The following OSBPL3 variants were observed in gnomAD, a reference collection of about 807,000 sequenced individuals.
OSBPL3 encodes oxysterol-binding protein-related protein 3.
In OSBPL3, 65 loss-of-function variants were observed where a neutral mutation model predicts 120.1. The ratio of observed to expected loss-of-function variants is 0.54; its 90% CI spans 0.44 to 0.67. The LOEUF (loss-of-function observed/expected upper bound fraction) is 0.67, where lower values mean the gene tolerates loss of function less well. Among genes scored for constraint, OSBPL3 ranks in the 30% least tolerant of loss-of-function variants. OSBPL3 has a pLI of 0.00. For synonymous variants in OSBPL3, 416 were observed against 402.6 expected (o/e 1.03, Z -0.40); for missense variants, 1,004 against 1,082.1 (o/e 0.93, Z 1.01).
intron 1 of OSBPL3, 110 bp downstream of exon 1, chr7:24,979,776 G>A (rs1411347458): frequency 1.5e-5 from 9 of 583,806 alleles, no homozygotes; most frequent in African/African-American, 4.1e-5. Flanking sequence ...GACAGACCCC[G>A]GTCCGGCAGA....
rs77456222 is a variant in OSBPL3 at position 24,882,760 on chromosome 7, T to G, written c.96+9617A>C. Among the ~76,000 whole-genome samples, 65 of 152,322 alleles carry G rather than the reference T, an allele frequency of 4.3e-4. No individual in the cohort carries two copies. The East Asian group carries it at 0.011, about 26-fold the overall frequency. ...CAACATGTTGTTGTCTTTGTATTAA[T>G]AGTCATTTGACTTATATAAGATGAT... On this transcript the variant is annotated intron_variant, in intron 2 of 22. Transcript: ENST00000313367.
chr7:24,807,929 C>T lies in OSBPL3; in HGVS notation c.2318-1027G>A, dbSNP rs148294412. Among the ~76,000 whole-genome samples, 518 of 152,166 alleles carry T rather than the reference C, an allele frequency of 3.4e-3. 2 individuals carry two copies. The highest frequency in any genetic ancestry group is 5.6e-3 in the Non-Finnish European group (383 of 68,016). ...CTTTTTTTTTATTGAAAGGGTCTCA[C>T]TCTGTCCACCCAGGCTGGAGGACAG... On this transcript the variant is annotated intron_variant, in intron 20 of 22. Coordinates refer to ENST00000313367, the MANE Select transcript of OSBPL3 (RefSeq NM_015550.4).
intron 10 of OSBPL3, among the ~76,000 whole-genome samples, chr7:24,857,979 G>C (rs911231955): frequency 1.3e-5 from 2 of 152,132 alleles, no homozygotes; most frequent in Non-Finnish European, 2.9e-5. Context: ...AAATGTAAAA[G>C]CTAATATATG....
At chr7:24,853,776 T>C (rs1799472950) in intron 10 of OSBPL3, among the ~76,000 whole-genome samples, 1 of 152,212 alleles carries the variant, frequency 6.6e-6, no homozygotes, top group South Asian at 2.1e-4. Context: ...TAGAGAGTGA[T>C]AAAATAAATG....
chr7:24,920,616 C>A (rs1810273052), intron 1 of OSBPL3, among the ~76,000 whole-genome samples: 1 of 152,052 alleles, frequency 6.6e-6, no homozygotes, highest in Non-Finnish European at 1.5e-5. Context: ...AGAGTAAATT[C>A]TGTAGTATGT....
rs1417726122 is a variant in OSBPL3 at position 24,802,467 on chromosome 7, C to A, written c.2567+1848G>T. ...TCAAAAAGAAAAAGAGCAATGGCCGCCCCAGCTGAAGCAGCTTTCCGTCCT... is the reference window on the plus strand; with the variant it reads ...TCAAAAAGAAAAAGAGCAATGGCCGACCCAGCTGAAGCAGCTTTCCGTCCT... On this transcript the variant is annotated intron_variant, in intron 22 of 22. Transcript: ENST00000313367. This position sits in a 1 kb window ranked among gnomAD's most constrained non-coding sequence, Gnocchi z 4.1. Among the ~76,000 whole-genome samples the A allele has an allele frequency of 6.6e-6, 1 of 152,236 alleles. No homozygotes were observed. Among genetic ancestry groups the A allele is most frequent in the Non-Finnish European group, 1.5e-5 (1 of 68,042 alleles).
chr7:24,886,289 C>T (rs543501418), intron 2 of OSBPL3, among the ~76,000 whole-genome samples: 4 of 152,292 alleles, frequency 2.6e-5, no homozygotes, highest in South Asian at 4.1e-4. Flanking sequence ...AAAGCAAAAC[C>T]GGTGAGAACA....
chr7:24,913,598 T>C lies in OSBPL3; in HGVS notation c.-149-20977A>G, dbSNP rs1198505478. Among the ~76,000 whole-genome samples the C allele has an allele frequency of 6.6e-6, 1 of 152,064 alleles. No homozygotes were observed. Among genetic ancestry groups the C allele is most frequent in the African/African-American group, 2.4e-5 (1 of 41,400 alleles). On this transcript the variant is annotated intron_variant, in intron 1 of 22. Coordinates refer to ENST00000313367, the MANE Select transcript of OSBPL3 (RefSeq NM_015550.4). This position sits in a 1 kb window ranked among gnomAD's most constrained non-coding sequence, Gnocchi z 5.3. ...ACACATCACAAAGTGACACTGGGAATCTAGGACTGGGCACAAAGATGAAAA... is the reference window on the plus strand; with the variant it reads ...ACACATCACAAAGTGACACTGGGAACCTAGGACTGGGCACAAAGATGAAAA...
In OSBPL3 at chr7:24,979,912, C is replaced by G; in HGVS notation, c.-176G>C. 3 of 969,926 alleles carry G rather than the reference C, an allele frequency of 3.1e-6. No individual in the cohort carries two copies. The highest frequency in any genetic ancestry group is 3.6e-6 in the Non-Finnish European group (3 of 822,190). The allele number at this position is 969,926 out of a possible 1,614,324, so 60.1% of individuals were successfully genotyped here. ...TGAGCGCTGTGCAGCCGGAGACGCTCCCTAGTTCCCCGGGGCCGGGCTCCG... is the reference window on the plus strand; with the variant it reads ...TGAGCGCTGTGCAGCCGGAGACGCTGCCTAGTTCCCCGGGGCCGGGCTCCG... On this transcript the variant is annotated 5_prime_UTR_variant, in exon 1 of 23. Transcript: ENST00000313367.
At chr7:24,837,602 T>C (rs1024893569) in intron 14 of OSBPL3, among the ~76,000 whole-genome samples, 14 of 152,232 alleles carry the variant, frequency 9.2e-5, no homozygotes, top group African/African-American at 3.1e-4. Flanking sequence ...ACCGCCATCA[T>C]CACCACCAAT....
Position 24,930,946 on chromosome 7 carries a change from A to T in OSBPL3, c.-149-38325T>A, listed in dbSNP as rs1045368374. ...GAAGATGACTTTTTTAATTCCAAAA[A>T]TTATTTAACATTCTCACAGGAAGTA... is the stretch of plus-strand genomic sequence containing the variant. On this transcript the variant is annotated intron_variant, in intron 1 of 22. Transcript: ENST00000313367. The surrounding 1 kb of genome is among the most constrained non-coding windows in gnomAD (Gnocchi z 4.4). 9.2e-5 allele frequency among the ~76,000 whole-genome samples: 14 copies of T among 152,208 alleles called. No homozygotes were observed. Among genetic ancestry groups the T allele is most frequent in the Admixed American group, 7.2e-4 (11 of 15,280 alleles).
In OSBPL3 at chr7:24,830,591, G is replaced by A. The variant is rs1796243978; in HGVS notation, c.1884+177C>T. ...TACGGGTGGTAACTTTATGCCCCTG[G>A]GTGGTGGCTTGGCTTCAGTGGAAGG... On this transcript the variant is annotated intron_variant, in intron 16 of 22. Coordinates refer to ENST00000313367, the MANE Select transcript of OSBPL3 (RefSeq NM_015550.4). This position sits in a 1 kb window ranked among gnomAD's most constrained non-coding sequence, Gnocchi z 4.4. Among the ~76,000 whole-genome samples, 1 of 152,118 alleles carries A rather than the reference G, an allele frequency of 6.6e-6. No individual in the cohort carries two copies. Among genetic ancestry groups the A allele is most frequent in the South Asian group, 2.1e-4 (1 of 4,826 alleles).
Position 24,947,039 on chromosome 7 carries a change from G to A in OSBPL3, c.-150+32847C>T, listed in dbSNP as rs903198399. Among the ~76,000 whole-genome samples the A allele has an allele frequency of 6.6e-6, 1 of 152,170 alleles. No individual in the cohort carries two copies. The highest frequency in any genetic ancestry group is 6.5e-5 in the Admixed American group (1 of 15,284). Reference sequence around the variant, plus strand: ...AATTGTACAACAAAGAAAACAATCTGTACCACAGAAGGCTGGACTGCTGAG... The same window carrying A: ...AATTGTACAACAAAGAAAACAATCTATACCACAGAAGGCTGGACTGCTGAG... On this transcript the variant is annotated intron_variant, in intron 1 of 22. Coordinates refer to ENST00000313367, the MANE Select transcript of OSBPL3 (RefSeq NM_015550.4). The surrounding 1 kb of genome is among the most constrained non-coding windows in gnomAD (Gnocchi z 4.4).
chr7:24,887,230 A>G (rs562370134), intron 2 of OSBPL3, among the ~76,000 whole-genome samples: 1 of 152,346 alleles, frequency 6.6e-6, no homozygotes, highest in East Asian at 1.9e-4. Context: ...ATAATAGGGT[A>G]TGATTAAGAC....
upstream of OSBPL3, among the ~76,000 whole-genome samples, chr7:24,980,565 G>A (rs1211851624): frequency 2.0e-5 from 3 of 152,134 alleles, no homozygotes; most frequent in South Asian, 2.1e-4. Flanking sequence ...GGCAGCGCGG[G>A]AGGGGCAGGT....
rs1229038484 is a variant in OSBPL3, at chr7:24,894,739, T to C, written c.-149-2118A>G. ...TGGGATGAGAGGGGTGTGTGTGCAA[T>C]GTAAAGGGAGAGAAACGTGGGCAAT... On this transcript the variant is annotated intron_variant, in intron 1 of 22. Coordinates refer to ENST00000313367, the MANE Select transcript of OSBPL3 (RefSeq NM_015550.4). This position sits in a 1 kb window ranked among gnomAD's most constrained non-coding sequence, Gnocchi z 4.1. Among the ~76,000 whole-genome samples, 1 of 152,050 alleles carries C rather than the reference T, an allele frequency of 6.6e-6. No individual in the cohort carries two copies. Among genetic ancestry groups the C allele is most frequent in the Non-Finnish European group, 1.5e-5 (1 of 68,028 alleles).
chr7:24,859,820 G>T (rs1049651575), intron 10 of OSBPL3, among the ~76,000 whole-genome samples: 23 of 152,282 alleles, frequency 1.5e-4, no homozygotes, highest in Middle Eastern at 3.4e-3. Context: ...TCGATGTTAA[G>T]TAGCTCTCAT....
chr7:24,834,319 A>G lies in OSBPL3; in HGVS notation c.1746+167T>C. On this transcript the variant is annotated intron_variant, in intron 15 of 22. Transcript: ENST00000313367. The surrounding 1 kb of genome is among the most constrained non-coding windows in gnomAD (Gnocchi z 5.2). ...TCCAAATCCTCACAAGGTGACTGGA[A>G]ACAGCCAGGCGGAGGAAGCCAGACA... 6.8e-7 allele frequency: 1 copy of G among 1,460,886 alleles called. No individual in the cohort carries two copies. Among genetic ancestry groups the G allele is most frequent in the Non-Finnish European group, 9.1e-7 (1 of 1,104,562 alleles). 90.5% of individuals were successfully genotyped at this position (1,460,886 alleles called of 1,614,324 possible).
At position 24,918,019 on chromosome 7, in the gene OSBPL3, G is replaced by A. The variant is rs1809924135; in HGVS notation, c.-149-25398C>T. 3 of 937,336 alleles carry A rather than the reference G, an allele frequency of 3.2e-6. No homozygotes were observed. Among genetic ancestry groups the A allele is most frequent in the African/African-American group, 1.8e-5 (1 of 56,268 alleles). The allele number at this position is 937,336 out of a possible 1,614,324, so 58.1% of individuals were successfully genotyped here. A position where few individuals can be genotyped will look rare whatever the true frequency, so the allele number is the denominator to read the frequency against. On this transcript the variant is annotated intron_variant, in intron 1 of 22. Transcript: ENST00000313367. The surrounding 1 kb of genome is among the most constrained non-coding windows in gnomAD (Gnocchi z 4.3). ...TAGCTTTCAAATTCAGTGATCCTAT[G>A]AGTCCATAAAATGACTAGCACTCTT... is the stretch of plus-strand genomic sequence containing the variant.
Sources: allele counts gnomAD v4.1 joint callset (sites outside exome capture counted in the v4.1 genomes callset), GRCh38; gene constraint gnomAD v4.1.1; non-coding constraint Gnocchi (gnomAD v3.1); transcripts MANE v1.5; gene names NCBI Gene and HGNC (gene_info 2026-07-23, HGNC 2026-07-21).